Variants in MICU1 observed in about 807,000 individuals in gnomAD.
MICU1 encodes mitochondrial calcium uptake 1.
Under a neutral mutation model 56.8 loss-of-function variants are expected in MICU1, and 45 were observed. The ratio of observed to expected loss-of-function variants is 0.79; its 90% CI spans 0.62 to 1.02. MICU1 has a LOEUF of 1.02. Among genes scored for constraint, MICU1 ranks in the 50% least tolerant of loss-of-function variants. The probability of loss-of-function intolerance (pLI) is 0.00; values close to 1 mark genes in which losing one functional copy is unlikely to be tolerated. For missense variants in MICU1, 504 were observed against 587.1 expected (o/e 0.86, Z 1.46); for synonymous variants, 186 against 195.1 (o/e 0.95, Z 0.39).
chr10:72,552,465 C>T (rs1179384567), intron 3 of MICU1, among the ~76,000 whole-genome samples: 1 of 152,088 alleles, frequency 6.6e-6, no homozygotes, highest in Non-Finnish European at 1.5e-5. Context: ...TGTGTCAAGG[C>T]AATAAAACCT....
chr10:72,474,017 G>A (rs181935201), intron 8 of MICU1, among the ~76,000 whole-genome samples: 143 of 152,190 alleles, frequency 9.4e-4, no homozygotes, highest in African/African-American at 3.2e-3. Flanking sequence ...AGCACTATGG[G>A]AGGCCGAGGC....
In MICU1 at chr10:72,474,849, C is replaced by T. The variant is rs376874249; in HGVS notation, c.933+251G>A. Among the ~76,000 whole-genome samples, 17 of 152,270 alleles carry T rather than the reference C, an allele frequency of 1.1e-4. No homozygotes were observed. The South Asian group carries it at 2.9e-3, about 26-fold the overall frequency. On this transcript the variant is annotated intron_variant, in intron 8 of 11. Coordinates refer to ENST00000361114, the MANE Select transcript of MICU1 (RefSeq NM_001195518.2). ...ACCCCTGAGTTTCTTTCTCCACAAA[C>T]GGAACATACAAAGACAGCTAAGATT... is the stretch of plus-strand genomic sequence containing the variant.
chr10:72,583,266 T>C (rs1172875195), intron 1 of MICU1, among the ~76,000 whole-genome samples: 2 of 146,008 alleles, frequency 1.4e-5, no homozygotes, highest in East Asian at 1.9e-4. Flanking sequence ...CTTCACAAAA[T>C]AGTTTGGCTG....
chr10:72,393,657 C>T lies in MICU1; in HGVS notation c.1180+14272G>A, dbSNP rs534127674. Among the ~76,000 whole-genome samples the T allele has an allele frequency of 2.6e-5, 4 of 152,122 alleles. No individual in the cohort carries two copies. In the South Asian group the frequency reaches 6.2e-4, roughly 24 times the overall value. On this transcript the variant is annotated intron_variant, in intron 10 of 11. Transcript: ENST00000361114. ...AGAGGCGAGGGCTGTGGTAGGAGAG[C>T]GAGAAAAGGAGGCAGATGCAGGGTA...
intron 1 of MICU1, among the ~76,000 whole-genome samples, chr10:72,585,563 C>T (rs1482256953): frequency 4.0e-5 from 6 of 151,444 alleles, no homozygotes; most frequent in Admixed American, 3.9e-4. Flanking sequence ...GGCATGGTGG[C>T]GTGTGCCTGT....
chr10:72,455,718 C>T (rs930822670), intron 8 of MICU1, among the ~76,000 whole-genome samples: 2 of 152,034 alleles, frequency 1.3e-5, no homozygotes, highest in Non-Finnish European at 2.9e-5. Context: ...ATCTTTCTGG[C>T]TGTAAAATGA....
intron 6 of MICU1, among the ~76,000 whole-genome samples, chr10:72,497,485 C>T (rs922836409): frequency 6.6e-6 from 1 of 152,166 alleles, no homozygotes; most frequent in Admixed American, 6.5e-5. Flanking sequence ...TGGACCAATA[C>T]ATTTGATTCC....
At chr10:72,429,920 A>C (rs1348542515) in intron 8 of MICU1, among the ~76,000 whole-genome samples, 2 of 152,212 alleles carry the variant, frequency 1.3e-5, no homozygotes, top group African/African-American at 4.8e-5. Context: ...ACTTGCCCAC[A>C]CAGTTAATGT....
intron 10 of MICU1, among the ~76,000 whole-genome samples, chr10:72,392,968 CAGTTAAAATTA>C (rs1863128054): frequency 6.6e-6 from 1 of 152,218 alleles, no homozygotes; most frequent in African/African-American, 2.4e-5. Flanking sequence ...AGCAGGTGAA[CAGTTAAAATTA>C]CTACTATCAT....
intron 1 of MICU1, among the ~76,000 whole-genome samples, chr10:72,593,308 A>G (rs1841279717): frequency 6.6e-6 from 1 of 152,054 alleles, no homozygotes; most frequent in Non-Finnish European, 1.5e-5. Context: ...GCAATAAAGA[A>G]ACAAAAAGCA....
At chr10:72,506,895 C>T (rs1202920731) in intron 6 of MICU1, among the ~76,000 whole-genome samples, 1 of 152,080 alleles carries the variant, frequency 6.6e-6, no homozygotes, top group Non-Finnish European at 1.5e-5. Context: ...TTTTCATTGC[C>T]AGGGTACTGC....
Position 72,508,167 on chromosome 10 carries a change from T to C in MICU1, c.640A>G (p.Thr214Ala). 2 of 1,519,536 alleles carry C rather than the reference T, an allele frequency of 1.3e-6. No individual in the cohort carries two copies. The highest frequency in any genetic ancestry group is 2.3e-5 in the East Asian group (1 of 43,568). The allele number at this position is 1,519,536 out of a possible 1,614,324, so 94.1% of individuals were successfully genotyped here. ...CGTTTATACTTACTGGAAAGAACAG[T>C]TGTGAGGAAAATGTAGTCTGAAAAG... ...ISFSDYIFLT[T>A]VLSTPQRNFE... Residue 214 changes from threonine to alanine, a missense_variant, in exon 6 of 12, where the codon ACT becomes GCT. Coordinates refer to ENST00000361114, the MANE Select transcript of MICU1 (RefSeq NM_001195518.2).
intron 5 of MICU1, among the ~76,000 whole-genome samples, chr10:72,525,894 G>A (rs1406105300): frequency 6.6e-6 from 1 of 152,016 alleles, no homozygotes; most frequent in African/African-American, 2.4e-5. Context: ...TATATCCAAA[G>A]TCCACACTCT....
chr10:72,562,711 T>C, intron 3 of MICU1, 184 bp downstream of exon 3: 1 of 467,894 alleles, frequency 2.1e-6, no homozygotes, highest in Non-Finnish European at 3.6e-6. Flanking sequence ...TAGATCCTTT[T>C]AACTACCTCC....
At chr10:72,567,815 A>T (rs1231401940) in intron 1 of MICU1, among the ~76,000 whole-genome samples, 1 of 151,970 alleles carries the variant, frequency 6.6e-6, no homozygotes, top group Admixed American at 6.6e-5. Flanking sequence ...AGCAAGAAAC[A>T]CCCCTCCTCC....
At chr10:72,455,280 G>A (rs1384122745) in intron 8 of MICU1, among the ~76,000 whole-genome samples, 2 of 149,250 alleles carry the variant, frequency 1.3e-5, no homozygotes, top group African/African-American at 2.5e-5. Flanking sequence ...AACCCGGGAG[G>A]TGGAGGTTGC....
chr10:72,507,877 C>G (rs768300192), intron 6 of MICU1, among the ~76,000 whole-genome samples: 22 of 152,170 alleles, frequency 1.4e-4, no homozygotes, highest in Admixed American at 1.3e-4. Flanking sequence ...CTTGATCTCC[C>G]AAAGTTCTGG....
At chr10:72,575,796 A>G (rs574344292) in intron 1 of MICU1, among the ~76,000 whole-genome samples, 3 of 152,268 alleles carry the variant, frequency 2.0e-5, no homozygotes, top group South Asian at 2.1e-4. Flanking sequence ...CCTTTCCTCA[A>G]GCCTTCCCAT....
At chr10:72,527,948 C>T (rs1057174084) in intron 5 of MICU1, among the ~76,000 whole-genome samples, 1 of 152,162 alleles carries the variant, frequency 6.6e-6, no homozygotes. Flanking sequence ...GTCTCAGCCT[C>T]CCAGGTAGCT....
Sources: allele counts gnomAD v4.1 joint callset (sites outside exome capture counted in the v4.1 genomes callset), GRCh38; gene constraint gnomAD v4.1.1; transcripts MANE v1.5; gene names NCBI Gene and HGNC (gene_info 2026-07-23, HGNC 2026-07-21).